The following NTNG1 variants were observed in gnomAD, a reference collection of about 807,000 sequenced individuals.
NTNG1 encodes netrin G1, also known as netrin-G1.
A neutral mutation model predicts 54.0 loss-of-function variants in NTNG1; 16 were observed. The observed-to-expected ratio is 0.30, with a 90% confidence interval of 0.20 to 0.45. NTNG1 has a LOEUF of 0.45. Among genes scored for constraint, NTNG1 ranks in the 20% least tolerant of loss-of-function variants. The probability of loss-of-function intolerance (pLI) is 1.00; values close to 1 mark genes in which losing one functional copy is unlikely to be tolerated. For missense variants in NTNG1, 530 were observed against 678.7 expected (o/e 0.78, Z 2.43); for synonymous variants, 255 against 263.1 (o/e 0.97, Z 0.30).
intron 3 of NTNG1, chr1:107,329,042 A>G (rs2101891930): frequency 6.6e-6 from 1 of 152,234 alleles, no homozygotes; most frequent in South Asian, 2.1e-4. Context: ...GTCATTACAC[A>G]TTTCTTATCC....
intron 2 of NTNG1, among the ~76,000 whole-genome samples, chr1:107,211,724 C>T (rs142921749): frequency 2.0e-3 from 312 of 152,234 alleles, no homozygotes; most frequent in African/African-American, 6.8e-3. Flanking sequence ...ATGTCTGAGC[C>T]AGTACATTTT....
At chr1:107,464,202 C>T (rs183229562) in intron 7 of NTNG1, among the ~76,000 whole-genome samples, 37 of 152,322 alleles carry the variant, frequency 2.4e-4, no homozygotes, top group African/African-American at 8.9e-4. Flanking sequence ...GAATAAACTG[C>T]TTTGCTTTGT....
chr1:107,189,659 T>A (rs752350982), intron 2 of NTNG1, among the ~76,000 whole-genome samples: 1 of 152,076 alleles, frequency 6.6e-6, no homozygotes, highest in Non-Finnish European at 1.5e-5. Flanking sequence ...CCTAGCTGAA[T>A]GTATAAACCA....
intron 2 of NTNG1, among the ~76,000 whole-genome samples, chr1:107,250,447 A>C (rs1662512701): frequency 6.6e-6 from 1 of 152,076 alleles, no homozygotes; most frequent in South Asian, 2.1e-4. Flanking sequence ...AGCTGTGAAA[A>C]CATGTGGTGT....
At chr1:107,364,578 A>G (rs1457878782) in intron 3 of NTNG1, among the ~76,000 whole-genome samples, 3 of 152,222 alleles carry the variant, frequency 2.0e-5, no homozygotes, top group Non-Finnish European at 2.9e-5. Flanking sequence ...ACGTGCTCAG[A>G]AGGGCCTGGG....
rs143416236 is a variant in NTNG1 at position 107,309,094 on chromosome 1, A to G, written c.247-15188A>G. Reference sequence around the variant, plus strand: ...TCATCAGTCCCTTGTTCTCACAACTAGATAATTAAAGCTAAATTCCTAACG... The same window carrying G: ...TCATCAGTCCCTTGTTCTCACAACTGGATAATTAAAGCTAAATTCCTAACG... On this transcript the variant is annotated intron_variant, in intron 2 of 7. Coordinates refer to ENST00000370068, the MANE Select transcript of NTNG1 (RefSeq NM_001113226.3). Among the ~76,000 whole-genome samples, 20 of 152,286 alleles carry G rather than the reference A, an allele frequency of 1.3e-4. No individual in the cohort carries two copies. The East Asian group carries it at 3.3e-3, about 25-fold the overall frequency.
At chr1:107,156,570 A>G (rs1234268678) in intron 2 of NTNG1, among the ~76,000 whole-genome samples, 1 of 152,234 alleles carries the variant, frequency 6.6e-6, no homozygotes, top group Non-Finnish European at 1.5e-5. Flanking sequence ...AGAATATATA[A>G]TGAGAAAAAT....
At chr1:107,196,629 G>T (rs1480624683) in intron 2 of NTNG1, among the ~76,000 whole-genome samples, 2 of 151,864 alleles carry the variant, frequency 1.3e-5, no homozygotes, top group Non-Finnish European at 2.9e-5. Flanking sequence ...GAGGAGTACA[G>T]TAAATGATGA....
At chr1:107,393,909 C>A (rs544293253) in intron 3 of NTNG1, among the ~76,000 whole-genome samples, 1 of 151,886 alleles carries the variant, frequency 6.6e-6, no homozygotes, top group South Asian at 2.1e-4. Context: ...GGCATTTGGC[C>A]CAAGAGAAAA....
intron 7 of NTNG1, among the ~76,000 whole-genome samples, chr1:107,465,435 AGACAAGAAAT>A (rs1461974929): frequency 6.6e-6 from 1 of 152,234 alleles, no homozygotes; most frequent in Non-Finnish European, 1.5e-5. Context: ...TTGGTTGAGG[AGACAAGAAAT>A]GCACATGGAA....
chr1:107,140,348 T>A (rs1653560305), upstream of NTNG1: 1 of 152,484 alleles, frequency 6.6e-6, no homozygotes, highest in African/African-American at 2.4e-5. Context: ...TCGCGCTCAC[T>A]CTTTAATTGG....
chr1:107,183,610 C>G (rs772518036), intron 2 of NTNG1, among the ~76,000 whole-genome samples: 1 of 152,006 alleles, frequency 6.6e-6, no homozygotes, highest in Non-Finnish European at 1.5e-5. Context: ...TGGAGGACAT[C>G]GAGCTTTTGT....
chr1:107,315,384 T>C lies in NTNG1; in HGVS notation c.247-8898T>C, dbSNP rs371404286. Among the ~76,000 whole-genome samples, 161 of 152,224 alleles carry C rather than the reference T, an allele frequency of 1.1e-3. 3 individuals are homozygous for C. In the South Asian group the frequency reaches 0.032, roughly 31 times the overall value. On this transcript the variant is annotated intron_variant, in intron 2 of 7. Transcript: ENST00000370068. ...ATCCACACAGAAGGCAAAAAGAACA[T>C]TGAAAATGTAAATCAAATTGTGGCA...
At chr1:107,292,241 TGC>T (rs984560962) in intron 2 of NTNG1, among the ~76,000 whole-genome samples, 55 of 152,292 alleles carry the variant, frequency 3.6e-4, no homozygotes, top group African/African-American at 1.3e-3. Context: ...TGTGTGGGTC[TGC>T]GGCAACCTCA....
chr1:107,235,468 G>A (rs1190238593), intron 2 of NTNG1, among the ~76,000 whole-genome samples: 1 of 152,166 alleles, frequency 6.6e-6, no homozygotes, highest in African/African-American at 2.4e-5. Context: ...TAAACACTGA[G>A]TATAGACTGT....
chr1:107,372,956 C>T (rs956606551), intron 3 of NTNG1, among the ~76,000 whole-genome samples: 21 of 152,154 alleles, frequency 1.4e-4, no homozygotes, highest in African/African-American at 5.1e-4. Flanking sequence ...ATCATTCCAG[C>T]TTCCTTCGGG....
At chr1:107,234,381 C>G (rs1052202744) in intron 2 of NTNG1, among the ~76,000 whole-genome samples, 2 of 152,190 alleles carry the variant, frequency 1.3e-5, no homozygotes, top group African/African-American at 2.4e-5. Flanking sequence ...CCTCAGCCTC[C>G]CAAAGTGCTG....
intron 7 of NTNG1, among the ~76,000 whole-genome samples, chr1:107,444,675 A>C (rs916534713): frequency 6.6e-6 from 1 of 152,136 alleles, no homozygotes; most frequent in African/African-American, 2.4e-5. Context: ...ATTGAGAAGG[A>C]CATGTATGCT....
intron 2 of NTNG1, among the ~76,000 whole-genome samples, chr1:107,321,024 T>C (rs948330638): frequency 6.6e-6 from 1 of 152,098 alleles, no homozygotes; most frequent in East Asian, 1.9e-4. Flanking sequence ...CCGGTGTAAA[T>C]TGGGAATTGT....
Sources: allele counts gnomAD v4.1 joint callset (sites outside exome capture counted in the v4.1 genomes callset), GRCh38; gene constraint gnomAD v4.1.1; transcripts MANE v1.5; gene names NCBI Gene and HGNC (gene_info 2026-07-23, HGNC 2026-07-21).